Variants in SLC38A3 observed in about 807,000 individuals in gnomAD.
SLC38A3 encodes sodium-coupled neutral amino acid transporter 3.
SLC38A3 carries 17 observed loss-of-function variants against 59.5 expected under a neutral mutation model. The observed-to-expected ratio is 0.29, with a 90% CI of 0.20 to 0.43. The LOEUF is 0.43. Among genes scored for constraint, SLC38A3 ranks in the 20% least tolerant of loss-of-function variants. The probability of loss-of-function intolerance (pLI) is 1.00; values close to 1 mark genes in which losing one functional copy is unlikely to be tolerated. For missense variants in SLC38A3, 454 were observed against 653.9 expected, an observed-to-expected ratio of 0.69 and a Z score of 3.33; for synonymous variants, 238 against 260.3, an observed-to-expected ratio of 0.91 and a Z score of 0.82.
chr3:50,217,494 G>T lies in SLC38A3; in HGVS notation c.690+21G>T. On this transcript the variant is annotated intron_variant, in intron 9 of 15. Transcript: ENST00000614032. This position sits in a 1 kb window ranked among gnomAD's most constrained non-coding sequence, Gnocchi z 4.9. ...TTGCAGTGAGTCACCCTCCATGTTG[G>T]CTGAGAAAGCGGGCAGCGGGTCTCC... 1 of 1,611,484 alleles carries T rather than the reference G, an allele frequency of 6.2e-7. No homozygotes were observed. Among genetic ancestry groups the T allele is most frequent in the South Asian group, 1.1e-5 (1 of 90,676 alleles).
intron 1 of SLC38A3, among the ~76,000 whole-genome samples, chr3:50,211,740 C>A (rs1699733687): frequency 6.6e-6 from 1 of 152,076 alleles, no homozygotes; most frequent in South Asian, 2.1e-4. Flanking sequence ...AGGCATGCGC[C>A]ACCAGCCCGG....
At position 50,217,976 on chromosome 3, in the gene SLC38A3, C is replaced by T; in HGVS notation, c.915C>T (p.Pro305=). 2 of 1,613,984 alleles carry T rather than the reference C, an allele frequency of 1.2e-6. No homozygotes were observed. The highest frequency in any genetic ancestry group is 8.5e-7 in the Non-Finnish European group (1 of 1,179,896). Residue 305 remains proline (P), a synonymous_variant, in exon 11 of 16, where the codon CCC becomes CCT. Transcript: ENST00000614032. This position sits in a 1 kb window ranked among gnomAD's most constrained non-coding sequence, Gnocchi z 4.9. The part of the protein sequence containing the change: ...FAFVCHPEVL[P]IYTELKDPSK... The stretch of plus-strand genomic sequence containing the variant: ...TCGTCTGCCACCCCGAGGTGCTGCC[C>T]ATCTATACTGAGCTCAAGGAGTAGG...
rs1272913148 is a variant in SLC38A3 at position 50,220,933 on chromosome 3, G to C, written c.*756G>C. 1 of 152,726 alleles carries C rather than the reference G, an allele frequency of 6.5e-6. No individual in the cohort carries two copies. The highest frequency in any genetic ancestry group is 2.4e-5 in the African/African-American group (1 of 41,464). The allele number at this position is 152,726 out of a possible 1,614,324, so 9.5% of individuals were successfully genotyped here. A position where few individuals can be genotyped will look rare whatever the true frequency, so the allele number is the denominator to read the frequency against. ...CCCAGTGGCCACACTGGGATAGGGTGGGGAGGCTGGCAGCCCTCTTTTATA... is the reference window on the plus strand; with the variant it reads ...CCCAGTGGCCACACTGGGATAGGGTCGGGAGGCTGGCAGCCCTCTTTTATA... On this transcript the variant is annotated 3_prime_UTR_variant, in exon 16 of 16. Coordinates refer to ENST00000614032, the MANE Select transcript of SLC38A3 (RefSeq NM_006841.6).
In SLC38A3 at chr3:50,217,181, G is replaced by A. The variant is rs141382300; in HGVS notation, c.549-57G>A. The A allele has an allele frequency of 2.9e-4, 386 of 1,310,590 alleles. No homozygotes were observed. The African/African-American group carries it at 4.9e-3, about 17-fold the overall frequency. 81.2% of individuals were successfully genotyped at this position (1,310,590 alleles called of 1,614,324 possible). ...GGTAACTCCAGCAGAGGGAGGCAGG[G>A]GCCCCATCCCAGGCTGAATGGATTC... On this transcript the variant is annotated intron_variant, in intron 7 of 15. Coordinates refer to ENST00000614032, the MANE Select transcript of SLC38A3 (RefSeq NM_006841.6). The surrounding 1 kb of genome is among the most constrained non-coding windows in gnomAD (Gnocchi z 4.9).
Position 50,214,751 on chromosome 3 carries a change from G to A in SLC38A3, c.282G>A (p.Thr94=), listed in dbSNP as rs1348022566. 11 of 1,610,568 alleles carry A rather than the reference G, an allele frequency of 6.8e-6. No homozygotes were observed. The East Asian group carries it at 1.3e-4, about 20-fold the overall frequency. ...ILGLAYAMAN[T]GIILFLFLLT... ...GACTCGCCTATGCCATGGCCAATAC[G>A]GGCATTATCCTTTTCCTGTGAGTGC... Residue 94 remains threonine (T), a synonymous_variant, in exon 4 of 16, where the codon ACG becomes ACA. Coordinates refer to ENST00000614032, the MANE Select transcript of SLC38A3 (RefSeq NM_006841.6). The surrounding 1 kb of genome is among the most constrained non-coding windows in gnomAD (Gnocchi z 6.0).
At chr3:50,212,079 T>C (rs1028197385) in intron 1 of SLC38A3, among the ~76,000 whole-genome samples, 1 of 152,180 alleles carries the variant, frequency 6.6e-6, no homozygotes, top group African/African-American at 2.4e-5. Context: ...CTGATCATGA[T>C]TGAGTAATAG....
At chr3:50,206,935 C>T (rs1224544972) in intron 1 of SLC38A3, among the ~76,000 whole-genome samples, 1 of 152,214 alleles carries the variant, frequency 6.6e-6, no homozygotes, top group Non-Finnish European at 1.5e-5. Flanking sequence ...AGCAAGTAGC[C>T]TTGAAGCCCT....
Position 50,217,583 on chromosome 3 carries a change from C to G in SLC38A3, c.691-93C>G, listed in dbSNP as rs1382597945. 2.5e-6 allele frequency: 4 copies of G among 1,581,488 alleles called. No individual in the cohort carries two copies. In the Admixed American group the frequency reaches 6.9e-5, roughly 27 times the overall value. On this transcript the variant is annotated intron_variant, in intron 9 of 15. Coordinates refer to ENST00000614032, the MANE Select transcript of SLC38A3 (RefSeq NM_006841.6). This position sits in a 1 kb window ranked among gnomAD's most constrained non-coding sequence, Gnocchi z 4.9. ...CTGGGAAGCCTGGGCCAGAAGGCAG[C>G]TCCACCAGTCCTGATCTAGATGTGG...
chr3:50,217,251 A>G lies in SLC38A3; in HGVS notation c.562A>G (p.Asn188Asp). The G allele has an allele frequency of 6.2e-7, 1 of 1,612,986 alleles. No homozygotes were observed. Among genetic ancestry groups the G allele is most frequent in the Non-Finnish European group, 8.5e-7 (1 of 1,179,440 alleles). Reference protein sequence around the residue: ...LEEKTSDWYMNGNYLVILVSV... With the variant: ...LEEKTSDWYMDGNYLVILVSV... ...ATGTCCCTGCAGGGACTGGTACATG[A>G]ACGGGAACTACCTGGTAATCCTTGT... is the stretch of plus-strand genomic sequence containing the variant. Residue 188 changes from asparagine to aspartate, a missense_variant, in exon 8 of 16, where the codon AAC becomes GAC. Coordinates refer to ENST00000614032, the MANE Select transcript of SLC38A3 (RefSeq NM_006841.6). The surrounding 1 kb of genome is among the most constrained non-coding windows in gnomAD (Gnocchi z 4.9).
In SLC38A3 at chr3:50,217,790, C is replaced by A. The variant is rs779643818; in HGVS notation, c.805C>A (p.Pro269Thr). The A allele has an allele frequency of 2.5e-6, 4 of 1,613,924 alleles. No homozygotes were observed. Among genetic ancestry groups the A allele is most frequent in the Non-Finnish European group, 3.4e-6 (4 of 1,179,900 alleles). The change falls in exon 10 of 16, where the codon CCT becomes ACT. Residue 269 changes from proline to threonine, a missense_variant. Physicochemically the swap from Pro to Thr is conservative, Grantham distance 38. Transcript: ENST00000614032. This position sits in a 1 kb window ranked among gnomAD's most constrained non-coding sequence, Gnocchi z 4.9. Reference sequence around the variant, plus strand: ...GGAGAAGGTGCAGCTGCAGGTCGAGCCTGAGGCTTCAGCCTTCTGCACTCC... The same window carrying A: ...GGAGAAGGTGCAGCTGCAGGTCGAGACTGAGGCTTCAGCCTTCTGCACTCC... ...VKEKVQLQVE[P>T]EASAFCTPSY... is the part of the protein sequence containing the mutation.
chr3:50,215,589 C>T lies in SLC38A3; in HGVS notation c.419C>T (p.Pro140Leu), dbSNP rs1206751206. ...EQLGYRAFGT[P>L]GKLAAALAIT... Reference sequence around the variant, plus strand: ...CTGGGCTACCGTGCCTTTGGGACCCCAGGAAAGCTGGCAGCAGCCCTGGCC... The same window carrying T: ...CTGGGCTACCGTGCCTTTGGGACCCTAGGAAAGCTGGCAGCAGCCCTGGCC... The change falls in exon 6 of 16, where the codon CCA (proline) becomes CTA (leucine). Residue 140 changes from proline (P) to leucine (L), a missense_variant. Physicochemically the swap from Pro to Leu is moderately conservative, Grantham distance 98. Transcript: ENST00000614032. The surrounding 1 kb of genome is among the most constrained non-coding windows in gnomAD (Gnocchi z 7.1). 3.1e-6 allele frequency: 5 copies of T among 1,613,652 alleles called. No homozygotes were observed. Among genetic ancestry groups the T allele is most frequent in the African/African-American group, 1.3e-5 (1 of 74,860 alleles).
At position 50,217,167 on chromosome 3, in the gene SLC38A3, CAG is replaced by C. The variant is rs1160433913; in HGVS notation, c.549-68_549-67del. The C allele has an allele frequency of 3.1e-6, 3 of 974,526 alleles. No individual in the cohort carries two copies. Among genetic ancestry groups the C allele is most frequent in the Non-Finnish European group, 3.2e-6 (2 of 619,814 alleles). The allele number at this position is 974,526 out of a possible 1,614,324, so 60.4% of individuals were successfully genotyped here. On this transcript the variant is annotated intron_variant, in intron 7 of 15. Coordinates refer to ENST00000614032, the MANE Select transcript of SLC38A3 (RefSeq NM_006841.6). The surrounding 1 kb of genome is among the most constrained non-coding windows in gnomAD (Gnocchi z 4.9). Reference sequence around the variant, plus strand: ...TCAGTGGCACCATTGGTAACTCCAGCAGAGGGAGGCAGGGGCCCCATCCCAGG... The same window carrying C: ...TCAGTGGCACCATTGGTAACTCCAGCAGGGAGGCAGGGGCCCCATCCCAGG...
rs587712805 is a variant in SLC38A3, at chr3:50,219,382, G to C, written c.1306+434G>C. ...GATGGGGCTCTCAGCTGGTAGAGCAGACAATTCTGAAATGTCTTTGGGGTG... is the reference window on the plus strand; with the variant it reads ...GATGGGGCTCTCAGCTGGTAGAGCACACAATTCTGAAATGTCTTTGGGGTG... On this transcript the variant is annotated intron_variant, in intron 14 of 15. Transcript: ENST00000614032. 5.3e-5 allele frequency among the ~76,000 whole-genome samples: 8 copies of C among 152,318 alleles called. No individual in the cohort carries two copies. The South Asian group carries it at 6.2e-4, about 12-fold the overall frequency.
In SLC38A3 at chr3:50,205,548, G is replaced by C. The variant is rs369658655; in HGVS notation, c.-52+200G>C. 4.6e-5 allele frequency among the ~76,000 whole-genome samples: 7 copies of C among 152,386 alleles called. No homozygotes were observed. The East Asian group carries it at 1.3e-3, about 29-fold the overall frequency. ...GGGGACCTGCCAGTCGGGACTCAGC[G>C]CCGAGCTTAAGCAGGGCCCTGGGGG... is the stretch of plus-strand genomic sequence containing the variant. On this transcript the variant is annotated intron_variant, in intron 1 of 15. Transcript: ENST00000614032.
chr3:50,219,046 T>G, intron 14 of SLC38A3, 98 bp downstream of exon 14: 2 of 1,448,964 alleles, frequency 1.4e-6, no homozygotes, highest in South Asian at 2.4e-5. Context: ...CTACATTAAG[T>G]GCAGTGGCCA....
intron 1 of SLC38A3, among the ~76,000 whole-genome samples, chr3:50,208,417 C>T (rs1344516810): frequency 6.6e-6 from 1 of 152,144 alleles, no homozygotes; most frequent in Non-Finnish European, 1.5e-5. Context: ...CACCTGCCAC[C>T]ATGCCTGGAT....
chr3:50,207,449 G>A (rs891400814), intron 1 of SLC38A3: 1 of 152,274 alleles, frequency 6.6e-6, no homozygotes, highest in African/African-American at 2.4e-5. Context: ...TGAGTAGCCA[G>A]GACCGCAAGT....
At position 50,214,568 on chromosome 3, in the gene SLC38A3, C is replaced by T. The variant is rs1699788459; in HGVS notation, c.183+85C>T. 5.2e-5 allele frequency: 76 copies of T among 1,469,976 alleles called. No homozygotes were observed. The South Asian group carries it at 8.9e-4, about 17-fold the overall frequency. 91.1% of individuals were successfully genotyped at this position (1,469,976 alleles called of 1,614,324 possible). ...GGTGGTCTCTGGCAGCAGTGGGAGG[C>T]TGAGGGACAGTCAGGGGAAGGCTGC... On this transcript the variant is annotated intron_variant, in intron 3 of 15. Transcript: ENST00000614032. This position sits in a 1 kb window ranked among gnomAD's most constrained non-coding sequence, Gnocchi z 6.0.
Position 50,214,492 on chromosome 3 carries a change from G to A in SLC38A3, c.183+9G>A. On this transcript the variant is annotated intron_variant, in intron 3 of 15. Coordinates refer to ENST00000614032, the MANE Select transcript of SLC38A3 (RefSeq NM_006841.6). The surrounding 1 kb of genome is among the most constrained non-coding windows in gnomAD (Gnocchi z 6.0). ...AGCCACACTTCACTGACGTGAGCAG[G>A]GCAGCAACGGGTTTTAGGGGACACT... 6.4e-7 allele frequency: 1 copy of A among 1,558,752 alleles called. No homozygotes were observed. Among genetic ancestry groups the A allele is most frequent in the Non-Finnish European group, 8.7e-7 (1 of 1,151,032 alleles).
Sources: allele counts gnomAD v4.1 joint callset (sites outside exome capture counted in the v4.1 genomes callset), GRCh38; gene constraint gnomAD v4.1.1; non-coding constraint Gnocchi (gnomAD v3.1); transcripts MANE v1.5; gene names NCBI Gene and HGNC (gene_info 2026-07-23, HGNC 2026-07-21).